Variants in GALNT13 observed in about 807,000 individuals in gnomAD.
GALNT13 encodes UDP-GalNAc:polypeptide N-acetylgalactosaminyltransferase 13.
In GALNT13, 28 loss-of-function variants were observed where a neutral mutation model predicts 64.2. That is an observed-to-expected ratio of 0.44 (90% CI 0.32 to 0.60). The LOEUF (loss-of-function observed/expected upper bound fraction) is 0.60, where lower values mean the gene tolerates loss of function less well. Ranked by LOEUF, GALNT13 falls within the 20% of genes least tolerant of loss-of-function variation. GALNT13 has a pLI of 0.05. For missense variants in GALNT13, 577 were observed against 669.8 expected (o/e 0.86, Z 1.53); for synonymous variants, 214 against 224.6 (o/e 0.95, Z 0.42).
At chr2:154,445,666 A>G (rs1033224216) in intron 12 of GALNT13, 8 of 348,516 alleles carry the variant, frequency 2.3e-5, no homozygotes, top group Non-Finnish European at 4.2e-5. Context: ...ATTATGTACT[A>G]TTTTACTGTG....
chr2:153,609,484 T>C, the GALNT13 span, among the ~76,000 whole-genome samples: 1 of 152,178 alleles, frequency 6.6e-6, no homozygotes, highest in African/African-American at 2.4e-5. Flanking sequence ...ATTTCTCTGC[T>C]TAAAAGTAAC....
the GALNT13 span, among the ~76,000 whole-genome samples, chr2:153,330,241 G>C: frequency 8.5e-5 from 13 of 152,278 alleles, no homozygotes; most frequent in Non-Finnish European, 1.3e-4. Context: ...TTTTGCTTAG[G>C]ATTGCTTTGG....
At chr2:154,298,390 T>C (rs1336526903) in intron 8 of GALNT13, among the ~76,000 whole-genome samples, 3 of 133,590 alleles carry the variant, frequency 2.2e-5, no homozygotes, top group Non-Finnish European at 4.8e-5. Flanking sequence ...ATAAATATAA[T>C]TTATATAAAT....
chr2:153,742,386 C>A, the GALNT13 span, among the ~76,000 whole-genome samples: 1,023 of 151,946 alleles, frequency 6.7e-3, 10 homozygotes, highest in African/African-American at 0.023. Context: ...TTTTTAGAAA[C>A]CTTCTTTTAA....
At chr2:154,335,569 G>C (rs1351555587) in intron 9 of GALNT13, among the ~76,000 whole-genome samples, 1 of 151,922 alleles carries the variant, frequency 6.6e-6, no homozygotes, top group African/African-American at 2.4e-5. Context: ...AAATACAATA[G>C]ACTCCTGGGA....
the GALNT13 span, among the ~76,000 whole-genome samples, chr2:153,723,954 C>T: frequency 6.6e-6 from 1 of 150,710 alleles, no homozygotes; most frequent in East Asian, 2.0e-4. Context: ...AAAAAAACTA[C>T]TTTAAAGTTC....
At chr2:153,444,030 G>T in the GALNT13 span, among the ~76,000 whole-genome samples, 1 of 152,080 alleles carries the variant, frequency 6.6e-6, no homozygotes, top group Non-Finnish European at 1.5e-5. Flanking sequence ...TATCTTGACA[G>T]TGCTTAACTA....
the GALNT13 span, among the ~76,000 whole-genome samples, chr2:153,621,205 T>G: frequency 5.3e-5 from 8 of 152,154 alleles, no homozygotes; most frequent in Admixed American, 4.6e-4. Flanking sequence ...CGAAATGTTG[T>G]TACTCATAGT....
intron 7 of GALNT13, among the ~76,000 whole-genome samples, chr2:154,255,324 G>A (rs1573963430): frequency 6.6e-6 from 1 of 152,132 alleles, no homozygotes; most frequent in South Asian, 2.1e-4. Context: ...TGCTAAGGGG[G>A]TATGTAGAAA....
At chr2:153,584,098 G>A in the GALNT13 span, among the ~76,000 whole-genome samples, 1 of 152,220 alleles carries the variant, frequency 6.6e-6, no homozygotes, top group Admixed American at 6.5e-5. Context: ...GAAAATGTAA[G>A]TCCCACTCTT....
the GALNT13 span, among the ~76,000 whole-genome samples, chr2:153,733,306 T>A: frequency 8.5e-5 from 13 of 152,222 alleles, no homozygotes; most frequent in South Asian, 1.4e-3. Context: ...GATTAGAAAA[T>A]GGAAAAAATT....
the GALNT13 span, among the ~76,000 whole-genome samples, chr2:153,140,468 A>G: frequency 0.11 from 16,627 of 152,072 alleles, 981 homozygotes; most frequent in African/African-American, 0.13. Flanking sequence ...AAACTGAAAC[A>G]GGGAAAGGTT....
chr2:153,553,890 A>G, the GALNT13 span, among the ~76,000 whole-genome samples: 1 of 152,094 alleles, frequency 6.6e-6, no homozygotes, highest in African/African-American at 2.4e-5. Context: ...ATGGACTGCA[A>G]ATTCCTCAGA....
chr2:153,630,933 T>C, the GALNT13 span, among the ~76,000 whole-genome samples: 1 of 150,526 alleles, frequency 6.6e-6, no homozygotes, highest in African/African-American at 2.4e-5. Context: ...TTACATTAGG[T>C]ATATCTCCTA....
chr2:153,526,307 G>A, the GALNT13 span, among the ~76,000 whole-genome samples: 1 of 152,236 alleles, frequency 6.6e-6, no homozygotes, highest in African/African-American at 2.4e-5. Flanking sequence ...GTGGCCACAG[G>A]CGTGCTAGTA....
At chr2:154,067,113 G>A (rs1700509477) in intron 3 of GALNT13, among the ~76,000 whole-genome samples, 1 of 151,924 alleles carries the variant, frequency 6.6e-6, no homozygotes, top group Admixed American at 6.6e-5. Context: ...GATATTACTT[G>A]CAAGCCTAAT....
chr2:153,236,513 C>A, the GALNT13 span, among the ~76,000 whole-genome samples: 3 of 152,034 alleles, frequency 2.0e-5, no homozygotes, highest in African/African-American at 7.2e-5. Flanking sequence ...TTACCATTCC[C>A]CAAATCCGAG....
the GALNT13 span, among the ~76,000 whole-genome samples, chr2:153,076,780 T>C: frequency 6.6e-6 from 1 of 152,096 alleles, no homozygotes; most frequent in East Asian, 1.9e-4. Flanking sequence ...TCAGCTCTAT[T>C]TTGCTGGCTT....
At chr2:153,334,760 T>G in the GALNT13 span, among the ~76,000 whole-genome samples, 3 of 152,230 alleles carry the variant, frequency 2.0e-5, no homozygotes, top group South Asian at 2.1e-4. Context: ...TACATATTTT[T>G]CTGAAGTCTT....
Sources: gnomAD v4.1 joint callset for allele counts (sites outside exome capture counted in the v4.1 genomes callset) on GRCh38, gnomAD v4.1.1 for gene constraint, MANE v1.5 for transcripts, NCBI Gene and HGNC (gene_info 2026-07-23, HGNC 2026-07-21) for gene names.